The following TP53BP1 variants were observed in gnomAD, a reference collection of about 807,000 sequenced individuals.
TP53BP1 encodes tumor protein p53 binding protein 1, also known as TP53-binding protein 1.
Under a neutral mutation model 200.8 loss-of-function variants are expected in TP53BP1, and 61 were observed. The observed-to-expected ratio is 0.30, with a 90% CI of 0.25 to 0.38. TP53BP1 has a LOEUF of 0.38. Among genes scored for constraint, TP53BP1 ranks in the 10% least tolerant of loss-of-function variants. The pLI, the probability that TP53BP1 is intolerant of heterozygous loss-of-function variation, is 1.00. For synonymous variants in TP53BP1, 822 were observed against 844.3 expected (o/e 0.97, Z 0.46); for missense variants, 2,144 against 2,371.9 (o/e 0.90, Z 2.00).
chr15:43,431,082 G>C (rs2045658498), intron 17 of TP53BP1, among the ~76,000 whole-genome samples: 2 of 152,058 alleles, frequency 1.3e-5, no homozygotes, highest in Admixed American at 1.3e-4. Context: ...AACAGGCAGG[G>C]AGCATATATA....
chr15:43,484,541 T>C, intron 4 of TP53BP1, among the ~76,000 whole-genome samples: 1 of 152,102 alleles, frequency 6.6e-6, no homozygotes, highest in Non-Finnish European at 1.5e-5. Context: ...AAGAGCCAAA[T>C]TCCTCACAAT....
rs1264442793 is a variant in TP53BP1 at position 43,406,525 on chromosome 15, C to CA, written c.*857dup. The CA allele has an allele frequency of 8.9e-6, 4 of 450,816 alleles. No individual in the cohort carries two copies. The highest frequency in any genetic ancestry group is 1.8e-5 in the Non-Finnish European group (4 of 224,896). The allele number at this position is 450,816 out of a possible 1,614,324, so 27.9% of individuals were successfully genotyped here. On this transcript the variant is annotated 3_prime_UTR_variant, in exon 28 of 28. Coordinates refer to ENST00000382044, the MANE Select transcript of TP53BP1 (RefSeq NM_001141980.3). ...TTGTCTATGGTTGCTTTCATGCCCT[C>CA]ACAGCAAAGGCGAGTAGTTGTGATG...
chr15:43,490,041 T>G (rs1179080796), intron 4 of TP53BP1, among the ~76,000 whole-genome samples: 1 of 151,982 alleles, frequency 6.6e-6, no homozygotes, highest in Non-Finnish European at 1.5e-5. Flanking sequence ...GTCTCCTGAA[T>G]AGCTGGGGCT....
chr15:43,480,340 C>T (rs887650845), intron 5 of TP53BP1, among the ~76,000 whole-genome samples: 12 of 152,106 alleles, frequency 7.9e-5, no homozygotes, highest in East Asian at 3.9e-4. Flanking sequence ...CCTGGCTACT[C>T]GGGAGGCTGA....
rs2046704449 is a variant in TP53BP1, at chr15:43,470,685, AAAACACT to A, written c.1181-626_1181-620del. 3.3e-5 allele frequency among the ~76,000 whole-genome samples: 5 copies of A among 152,294 alleles called. No individual in the cohort carries two copies. The South Asian group carries it at 1.0e-3, about 32-fold the overall frequency. On this transcript the variant is annotated intron_variant, in intron 10 of 27. Transcript: ENST00000382044. ...GAGGGAACACACACACACAAAACAC[AAAACACT>A]GCTTTCCCATAGTATACTACCCACC...
chr15:43,426,619 T>G (rs2045540481), intron 18 of TP53BP1, among the ~76,000 whole-genome samples: 1 of 151,980 alleles, frequency 6.6e-6, no homozygotes, highest in Admixed American at 6.6e-5. Flanking sequence ...ATATGTTCTA[T>G]TTAATAAAAC....
At chr15:43,410,822 G>C (rs745902940) in intron 24 of TP53BP1, among the ~76,000 whole-genome samples, 10 of 152,098 alleles carry the variant, frequency 6.6e-5, no homozygotes. Flanking sequence ...CAGGTCAGGG[G>C]TCTCCATCTC....
intron 27 of TP53BP1, 41 bp from the exon 28 acceptor site, chr15:43,407,611 A>C: frequency 6.4e-7 from 1 of 1,561,200 alleles, no homozygotes; most frequent in Non-Finnish European, 8.7e-7. Flanking sequence ...AAGGACACTC[A>C]ACTTAGCCCT....
chr15:43,493,320 C>T (rs1417774676), upstream of TP53BP1: 2 of 1,059,130 alleles, frequency 1.9e-6, no homozygotes, highest in Non-Finnish European at 2.6e-6. Context: ...ACGTTGCAGG[C>T]CCTCCCCTTT....
rs781550320 is a variant in TP53BP1, at chr15:43,447,499, A to G, written c.2717-14T>C. ...GAAATGGGGTTTCTGAAAAAAAAAA[A>G]AAAAAGAAAAAAGAAAGAAAGAAAA... On this transcript the variant is annotated splice_polypyrimidine_tract_variant and intron_variant, in intron 12 of 27. Transcript: ENST00000382044. The G allele has an allele frequency of 1.2e-5, 18 of 1,486,564 alleles. No individual in the cohort carries two copies. In the Admixed American group the frequency reaches 1.2e-4, roughly 10 times the overall value. 92.1% of individuals were successfully genotyped at this position (1,486,564 alleles called of 1,614,324 possible).
Position 43,419,933 on chromosome 15 carries a change from AGTCTAAAGT to A in TP53BP1, c.4681+363_4681+371del, listed in dbSNP as rs143347328. Among the ~76,000 whole-genome samples, 308 of 152,286 alleles carry A rather than the reference AGTCTAAAGT, an allele frequency of 2.0e-3. 11 individuals carry two copies. The East Asian group carries it at 0.051, about 25-fold the overall frequency. Reference sequence around the variant, plus strand: ...GGAAAAGCTAGTGAAATCCAAATAAAGTCTAAAGTTTTGTGAATAGTAATACACCAAGGT... The same window carrying A: ...GGAAAAGCTAGTGAAATCCAAATAAATTTGTGAATAGTAATACACCAAGGT... On this transcript the variant is annotated intron_variant, in intron 21 of 27. Coordinates refer to ENST00000382044, the MANE Select transcript of TP53BP1 (RefSeq NM_001141980.3).
chr15:43,452,033 G>A (rs1356880887), intron 12 of TP53BP1, among the ~76,000 whole-genome samples: 2 of 152,140 alleles, frequency 1.3e-5, no homozygotes, highest in Admixed American at 6.5e-5. Flanking sequence ...TACTCAGGAG[G>A]CTGAGGCACA....
Position 43,493,144 on chromosome 15 carries a change from C to T in TP53BP1, c.-101G>A. 2 of 1,572,958 alleles carry T rather than the reference C, an allele frequency of 1.3e-6. No homozygotes were observed. The highest frequency in any genetic ancestry group is 2.3e-5 in the East Asian group (1 of 42,734). On this transcript the variant is annotated 5_prime_UTR_variant, in exon 1 of 28. Coordinates refer to ENST00000382044, the MANE Select transcript of TP53BP1 (RefSeq NM_001141980.3). ...TCGCCGCTGTCGCCACCGCCGCCAC[C>T]GGCCGCGAACTCCCCCTTTCCCGTC...
chr15:43,433,574 A>G (rs939780624), intron 16 of TP53BP1, among the ~76,000 whole-genome samples: 3 of 152,236 alleles, frequency 2.0e-5, no homozygotes, highest in African/African-American at 7.2e-5. Context: ...TGAACAGAAG[A>G]CTGAATGTTC....
At chr15:43,443,476 G>A (rs2045973597) in intron 14 of TP53BP1, among the ~76,000 whole-genome samples, 1 of 152,158 alleles carries the variant, frequency 6.6e-6, no homozygotes, top group Non-Finnish European at 1.5e-5. Flanking sequence ...AGGATCGCTT[G>A]AGCCCAGGAG....
chr15:43,430,303 C>T (rs1045918909), intron 17 of TP53BP1, among the ~76,000 whole-genome samples: 3 of 152,086 alleles, frequency 2.0e-5, no homozygotes, highest in Admixed American at 6.5e-5. Context: ...TAAAAAGCAC[C>T]GACACCTGGA....
chr15:43,493,552 G>A (rs1016833267), upstream of TP53BP1, among the ~76,000 whole-genome samples: 3 of 113,740 alleles, frequency 2.6e-5, no homozygotes, highest in East Asian at 4.5e-4. Context: ...AAGAAGAAGC[G>A]GCTTGAGGAT....
At position 43,432,475 on chromosome 15, in the gene TP53BP1, C is replaced by G; in HGVS notation, c.3394G>C (p.Asp1132His). The change falls in exon 17 of 28, where the codon GAC (aspartate) becomes CAC (histidine). Residue 1132 changes from aspartate to histidine, a missense_variant. Coordinates refer to ENST00000382044, the MANE Select transcript of TP53BP1 (RefSeq NM_001141980.3). ...GEAMVTDVLEDQKEGRSTNKE... is the reference protein window; with the variant it reads ...GEAMVTDVLEHQKEGRSTNKE... The stretch of plus-strand genomic sequence containing the variant: ...TTAGTACTCCGTCCTTCTTTCTGGT[C>G]TTCTAGCACATCTGTCACCATTGCC... The G allele has an allele frequency of 6.2e-7, 1 of 1,614,186 alleles. No individual in the cohort carries two copies. Among genetic ancestry groups the G allele is most frequent in the Non-Finnish European group, 8.5e-7 (1 of 1,180,028 alleles).
Position 43,406,697 on chromosome 15 carries a change from CA to C in TP53BP1, c.*685del. On this transcript the variant is annotated 3_prime_UTR_variant, in exon 28 of 28. Transcript: ENST00000382044. The stretch of plus-strand genomic sequence containing the variant: ...AAGGAACTGCTTCCAGCTATTGTGA[CA>C]ATAATAATAATAATAATATTGGGTC... The C allele has an allele frequency of 2.3e-6, 1 of 433,190 alleles. No individual in the cohort carries two copies. Among genetic ancestry groups the C allele is most frequent in the Non-Finnish European group, 4.6e-6 (1 of 219,110 alleles). The allele number at this position is 433,190 out of a possible 1,614,324, so 26.8% of individuals were successfully genotyped here. A position where few individuals can be genotyped will look rare whatever the true frequency, so the allele number is the denominator to read the frequency against.
Sources: gnomAD v4.1 joint callset for allele counts (sites outside exome capture counted in the v4.1 genomes callset) on GRCh38, gnomAD v4.1.1 for gene constraint, MANE v1.5 for transcripts, NCBI Gene and HGNC (gene_info 2026-07-23, HGNC 2026-07-21) for gene names.